Variants in GRID2 observed in about 807,000 individuals in gnomAD.
GRID2 encodes glutamate ionotropic receptor delta type subunit 2.
In GRID2, 33 loss-of-function variants were observed where a neutral mutation model predicts 114.8. That is an observed-to-expected ratio of 0.29 (90% CI 0.22 to 0.38). The LOEUF is 0.38. GRID2 is among the 10% of genes least tolerant of loss of function. The probability of loss-of-function intolerance (pLI) is 1.00; values close to 1 mark genes in which losing one functional copy is unlikely to be tolerated. For missense variants in GRID2, 1,184 were observed against 1,257.7 expected (o/e 0.94, Z 0.89); for synonymous variants, 505 against 449.9 (o/e 1.12, Z -1.55).
At chr4:92,993,078 G>C (rs889572955) in intron 2 of GRID2, among the ~76,000 whole-genome samples, 2 of 151,826 alleles carry the variant, frequency 1.3e-5, no homozygotes, top group African/African-American at 4.8e-5. Flanking sequence ...TGTATCCATC[G>C]AATTACAGTG....
At chr4:93,015,833 T>C (rs1303806246) in intron 2 of GRID2, among the ~76,000 whole-genome samples, 1 of 151,834 alleles carries the variant, frequency 6.6e-6, no homozygotes, top group East Asian at 1.9e-4. Context: ...AGCTACTAGA[T>C]CAGTGTTTCT....
chr4:93,658,502 A>T (rs536710374), intron 14 of GRID2, among the ~76,000 whole-genome samples: 9 of 152,160 alleles, frequency 5.9e-5, no homozygotes, highest in Admixed American at 3.3e-4. Flanking sequence ...TTTTACAAAT[A>T]AAAAAAACTG....
intron 4 of GRID2, among the ~76,000 whole-genome samples, chr4:93,128,063 C>G (rs1218877722): frequency 1.9e-5 from 1 of 52,844 alleles, no homozygotes; most frequent in Non-Finnish European, 3.5e-5. Context: ...AAAAAAACAA[C>G]AGTACGTGCT....
At chr4:92,914,715 C>A (rs530234973) in intron 2 of GRID2, among the ~76,000 whole-genome samples, 2 of 152,092 alleles carry the variant, frequency 1.3e-5, no homozygotes, top group Admixed American at 1.3e-4. Context: ...ATAATTGCCT[C>A]CAGCTTATCC....
rs147278555 is a variant in GRID2 at position 92,817,823 on chromosome 4, C to T, written c.244+227537C>T. 2.7e-3 allele frequency among the ~76,000 whole-genome samples: 414 copies of T among 151,888 alleles called. 1 individual carries two copies. The highest frequency in any genetic ancestry group is 9.6e-3 in the African/African-American group (396 of 41,406). ...TTGAGATTATAGGTGTGAGCCCTTG[C>T]GTCCAGCCTTGCCAATTTTTTTACA... On this transcript the variant is annotated intron_variant, in intron 2 of 15. Transcript: ENST00000282020.
intron 13 of GRID2, among the ~76,000 whole-genome samples, chr4:93,593,113 G>T (rs533506696): frequency 6.6e-6 from 1 of 150,582 alleles, no homozygotes; most frequent in Non-Finnish European, 1.5e-5. Context: ...ATGTTAGCTG[G>T]TTATTTTGCT....
At chr4:92,762,432 A>G (rs1227934412) in intron 2 of GRID2, among the ~76,000 whole-genome samples, 1 of 140,632 alleles carries the variant, frequency 7.1e-6, no homozygotes, top group Non-Finnish European at 1.5e-5. Flanking sequence ...TCCTAATTCA[A>G]TTTCCTTGCT....
At chr4:93,383,237 C>T (rs1292194735) in intron 8 of GRID2, among the ~76,000 whole-genome samples, 1 of 152,056 alleles carries the variant, frequency 6.6e-6, no homozygotes, top group Non-Finnish European at 1.5e-5. Context: ...CCTAGCCCTT[C>T]GTCTACAAGT....
chr4:93,796,613 G>A (rs1273742728), intron 1 of GRID2, among the ~76,000 whole-genome samples: 1 of 152,124 alleles, frequency 6.6e-6, no homozygotes, highest in Non-Finnish European at 1.5e-5. Context: ...GCGCTATCTC[G>A]GCTCACTGCA....
chr4:93,637,925 A>G (rs763673243), intron 14 of GRID2, among the ~76,000 whole-genome samples: 3 of 152,168 alleles, frequency 2.0e-5, no homozygotes, highest in Non-Finnish European at 2.9e-5. Flanking sequence ...TTGGTCAGAC[A>G]GTCTACTCAC....
chr4:93,064,935 T>C (rs1156561140), intron 2 of GRID2, among the ~76,000 whole-genome samples: 5 of 152,012 alleles, frequency 3.3e-5, no homozygotes, highest in East Asian at 1.9e-4. Context: ...GTTTCCATTA[T>C]AGATTTGGCG....
At chr4:93,343,647 T>C (rs980665475) in intron 8 of GRID2, among the ~76,000 whole-genome samples, 2 of 150,658 alleles carry the variant, frequency 1.3e-5, no homozygotes, top group Non-Finnish European at 3.0e-5. Context: ...TCTGATGTCA[T>C]TGATTCCTTT....
At chr4:92,933,149 T>TTA (rs896890008) in intron 2 of GRID2, among the ~76,000 whole-genome samples, 24 of 150,138 alleles carry the variant, frequency 1.6e-4, no homozygotes, top group African/African-American at 2.7e-4. Flanking sequence ...ATTTTATACA[T>TTA]TATATATATA....
chr4:92,600,171 A>G (rs941055847), intron 2 of GRID2, among the ~76,000 whole-genome samples: 1 of 149,140 alleles, frequency 6.7e-6, no homozygotes, highest in Non-Finnish European at 1.5e-5. Context: ...AGTATAGAGA[A>G]TATTCTTGAA....
chr4:92,584,559 G>T (rs1364416530), intron 1 of GRID2, among the ~76,000 whole-genome samples: 1 of 151,770 alleles, frequency 6.6e-6, no homozygotes, highest in African/African-American at 2.4e-5. Context: ...AGCTTCTCAG[G>T]CAAAGGAATT....
intron 13 of GRID2, among the ~76,000 whole-genome samples, chr4:93,603,483 G>C (rs1739904681): frequency 1.3e-5 from 2 of 152,224 alleles, no homozygotes; most frequent in South Asian, 4.1e-4. Flanking sequence ...AGTGCAAAAT[G>C]AAGCAACAGA....
At chr4:92,709,489 G>A (rs927906138) in intron 2 of GRID2, among the ~76,000 whole-genome samples, 19 of 145,872 alleles carry the variant, frequency 1.3e-4, no homozygotes, top group African/African-American at 4.8e-4. Context: ...GGAGAGTTAA[G>A]AGAAAAACTA....
intron 13 of GRID2, among the ~76,000 whole-genome samples, chr4:93,593,875 G>C (rs1230160329): frequency 6.6e-6 from 1 of 151,660 alleles, no homozygotes; most frequent in African/African-American, 2.4e-5. Flanking sequence ...CATTCTTCAC[G>C]TAGTTCTCGA....
At chr4:92,974,712 C>T (rs747325754) in intron 2 of GRID2, among the ~76,000 whole-genome samples, 5 of 151,750 alleles carry the variant, frequency 3.3e-5, no homozygotes, top group Non-Finnish European at 5.9e-5. Flanking sequence ...GGAGGAATAA[C>T]ATTAGGAGAA....
Sources: allele counts gnomAD v4.1 joint callset (sites outside exome capture counted in the v4.1 genomes callset), GRCh38; gene constraint gnomAD v4.1.1; transcripts MANE v1.5; gene names NCBI Gene and HGNC (gene_info 2026-07-23, HGNC 2026-07-21).